The following KDR variants were observed in gnomAD, a reference collection of about 807,000 sequenced individuals.
KDR encodes vascular endothelial growth factor receptor 2.
Under a neutral mutation model 160.9 loss-of-function variants are expected in KDR, and 43 were observed. The observed-to-expected ratio is 0.27, with a 90% CI of 0.21 to 0.34. The LOEUF is 0.34. Ranked by LOEUF, KDR falls within the 10% of genes least tolerant of loss-of-function variation. KDR has a pLI of 1.00. For synonymous variants in KDR, 617 were observed against 600.1 expected (o/e 1.03, Z -0.41); for missense variants, 1,469 against 1,666.4 (o/e 0.88, Z 2.06).
At position 55,125,328 on chromosome 4, in the gene KDR, C is replaced by A; in HGVS notation, c.-35G>T. The A allele has an allele frequency of 1.3e-6, 2 of 1,591,880 alleles. No individual in the cohort carries two copies. The highest frequency in any genetic ancestry group is 1.7e-6 in the Non-Finnish European group (2 of 1,169,792). On this transcript the variant is annotated 5_prime_UTR_variant, in exon 1 of 30. Transcript: ENST00000263923. ...CGAGCCGGGCGAAATGCCCAGAACTCGGGAGCCGGTTCTTTCTCCCAGCGC... is the reference window on the plus strand; with the variant it reads ...CGAGCCGGGCGAAATGCCCAGAACTAGGGAGCCGGTTCTTTCTCCCAGCGC...
At chr4:55,122,673 A>G (rs890772689) in intron 1 of KDR, among the ~76,000 whole-genome samples, 24 of 152,326 alleles carry the variant, frequency 1.6e-4, no homozygotes, top group South Asian at 6.2e-4. Context: ...AGTCAATAAT[A>G]TGGTTTTTAA....
intron 9 of KDR, among the ~76,000 whole-genome samples, chr4:55,108,498 C>T (rs1424211063): frequency 6.6e-6 from 1 of 152,024 alleles, no homozygotes; most frequent in Admixed American, 6.5e-5. Flanking sequence ...CAGCTTTATA[C>T]GTGAGAAAAA....
intron 19 of KDR, 78 bp from the exon 20 acceptor site, chr4:55,095,743 C>CA (rs1192747702): frequency 1.0e-6 from 1 of 989,014 alleles, no homozygotes; most frequent in Admixed American, 1.8e-5. Flanking sequence ...GTGATGAACC[C>CA]AAAAACACCT....
intron 7 of KDR, among the ~76,000 whole-genome samples, chr4:55,112,145 T>C (rs1237588908): frequency 2.0e-5 from 3 of 152,150 alleles, no homozygotes; most frequent in African/African-American, 7.2e-5. Flanking sequence ...TCCAGTTCAA[T>C]TACAGTTGAC....
chr4:55,090,317 A>G (rs1719977469), intron 22 of KDR, among the ~76,000 whole-genome samples: 1 of 152,242 alleles, frequency 6.6e-6, no homozygotes, highest in Non-Finnish European at 1.5e-5. Flanking sequence ...TTATAATATG[A>G]TGATGGAATC....
At position 55,114,264 on chromosome 4, in the gene KDR, C is replaced by T. The variant is rs773290047; in HGVS notation, c.660G>A (p.Gly220=). ...QSIMYIVVVV[G]YRIYDVVLSP... ...TCAGAACCACATCATAAATCCTATACCCTAGAGCAAGTAAATTGAAAAAAC... is the reference window on the plus strand; with the variant it reads ...TCAGAACCACATCATAAATCCTATATCCTAGAGCAAGTAAATTGAAAAAAC... The change falls in exon 6 of 30, where the codon GGG becomes GGA. Residue 220 remains glycine, a splice_region_variant and synonymous_variant. Transcript: ENST00000263923. The T allele has an allele frequency of 1.2e-6, 2 of 1,613,586 alleles. No homozygotes were observed. Among genetic ancestry groups the T allele is most frequent in the Non-Finnish European group, 1.7e-6 (2 of 1,179,734 alleles).
rs1478396082 is a variant in KDR at position 55,106,808 on chromosome 4, T to G, written c.1415A>C (p.Gln472Pro). The G allele has an allele frequency of 6.2e-7, 1 of 1,606,296 alleles. No homozygotes were observed. Among genetic ancestry groups the G allele is most frequent in the Non-Finnish European group, 8.5e-7 (1 of 1,172,894 alleles). Residue 472 changes from glutamine (Q) to proline (P), a missense_variant and splice_region_variant, in exon 11 of 30, where the codon CAA becomes CCA. By Grantham distance (76) the Gln-to-Pro change is moderately conservative (BLOSUM62 -1). Around this residue, in one of 7 missense-constraint regions of KDR, gnomAD observed 792 missense variants for 840.9 expected, o/e 0.94. Coordinates refer to ENST00000263923, the MANE Select transcript of KDR (RefSeq NM_002253.4). ...GTATGGGTTTGTCACTGAGACAGCT[T>G]GGCTATAAGAAAGAGATAACAGCGC... ...LEEECANEPS[Q>P]AVSVTNPYPC...
chr4:55,104,465 G>A (rs369664412), intron 13 of KDR, 178 bp downstream of exon 13: 20 of 651,234 alleles, frequency 3.1e-5, no homozygotes, highest in South Asian at 1.2e-4. Flanking sequence ...TTCTCCTTTC[G>A]ATATATCATT....
Position 55,094,971 on chromosome 4 carries a change from G to C in KDR, c.2818-16C>G. ...CCCCTTTGGTCTATAAAAAAGCAAA[G>C]GAACAAACAAACTCCTTGAATACAA... On this transcript the variant is annotated splice_polypyrimidine_tract_variant and intron_variant, in intron 20 of 29. Transcript: ENST00000263923. The C allele has an allele frequency of 6.2e-7, 1 of 1,612,976 alleles. No individual in the cohort carries two copies. The highest frequency in any genetic ancestry group is 1.3e-5 in the African/African-American group (1 of 74,948).
chr4:55,090,111 G>A (rs375011829), intron 22 of KDR, 33 bp from the exon 23 acceptor site: 31 of 1,612,588 alleles, frequency 1.9e-5, no homozygotes, highest in African/African-American at 1.7e-4. Flanking sequence ...ATTAGGTCTC[G>A]GCACAGCTGA....
chr4:55,102,340 G>C (rs780110180), intron 14 of KDR, 22 bp downstream of exon 14: 3 of 1,611,970 alleles, frequency 1.9e-6, no homozygotes, highest in Non-Finnish European at 2.5e-6. Flanking sequence ...CAACCCAAGA[G>C]TGATAGCCAA....
chr4:55,095,446 C>A, intron 20 of KDR, 131 bp downstream of exon 20: 1 of 711,416 alleles, frequency 1.4e-6, no homozygotes, highest in Non-Finnish European at 2.5e-6. Flanking sequence ...GAAGTTACAA[C>A]AGCCAAGAGG....
At chr4:55,082,467 T>A in intron 28 of KDR, 69 bp downstream of exon 28, 1 of 1,202,152 alleles carries the variant, frequency 8.3e-7, no homozygotes, top group Non-Finnish European at 1.2e-6. Flanking sequence ...ATGCTTAGGC[T>A]AATATTTATC....
At chr4:55,121,853 A>G (rs1289903151) in intron 1 of KDR, among the ~76,000 whole-genome samples, 1 of 152,104 alleles carries the variant, frequency 6.6e-6, no homozygotes, top group African/African-American at 2.4e-5. Context: ...GAATTTTCCC[A>G]ATTTTACACA....
chr4:55,088,854 T>G lies in KDR; in HGVS notation c.3510+14A>C, dbSNP rs184171760. ...GTACTCTTTGTAGGTGCTTCTTGGATGGAGGTGACAAACCTGCTGAGCATT... is the reference window on the plus strand; with the variant it reads ...GTACTCTTTGTAGGTGCTTCTTGGAGGGAGGTGACAAACCTGCTGAGCATT... On this transcript the variant is annotated intron_variant, in intron 26 of 29. Transcript: ENST00000263923. The G allele has an allele frequency of 6.4e-5, 102 of 1,583,200 alleles. No homozygotes were observed. The African/African-American group carries it at 1.3e-3, about 20-fold the overall frequency.
At chr4:55,120,074 G>A (rs1437022537) in intron 2 of KDR, among the ~76,000 whole-genome samples, 1 of 152,182 alleles carries the variant, frequency 6.6e-6, no homozygotes, top group Non-Finnish European at 1.5e-5. Flanking sequence ...TGGGAAATGT[G>A]TCTTAAACAA....
chr4:55,098,922 A>G, intron 15 of KDR, 119 bp from the exon 16 acceptor site: 1 of 704,998 alleles, frequency 1.4e-6, no homozygotes, highest in African/African-American at 1.8e-5. Context: ...AAAATCCTAG[A>G]GGACAACAGT....
chr4:55,095,473 C>T (rs1720127936), intron 20 of KDR, 104 bp downstream of exon 20: 3 of 810,740 alleles, frequency 3.7e-6, no homozygotes, highest in Non-Finnish European at 6.5e-6. Context: ...GAGAAGATTC[C>T]TCACAAGTTC....
At chr4:55,092,523 C>T (rs1392626550) in intron 22 of KDR, 94 bp downstream of exon 22, 2 of 892,400 alleles carry the variant, frequency 2.2e-6, no homozygotes, top group Admixed American at 1.8e-5. Flanking sequence ...GAATGAATTA[C>T]AATCCCAAAC....
Sources: allele counts gnomAD v4.1 joint callset (sites outside exome capture counted in the v4.1 genomes callset), GRCh38; gene constraint gnomAD v4.1.1; regional missense constraint gnomAD v4.1.1; transcripts MANE v1.5; gene names NCBI Gene and HGNC (gene_info 2026-07-23, HGNC 2026-07-21).